CAMTA1: variants seen among roughly 807,000 people sequenced by gnomAD.
The protein encoded by CAMTA1 is calmodulin binding transcription activator 1.
CAMTA1 carries 27 observed loss-of-function variants against 170.9 expected under a neutral mutation model. That is an observed-to-expected ratio of 0.16 (90% CI 0.12 to 0.22). The LOEUF is 0.22. CAMTA1 is among the 10% of genes least tolerant of loss of function. CAMTA1 has a pLI of 1.00. For synonymous variants in CAMTA1, 833 were observed against 891.5 expected (o/e 0.93, Z 1.17); for missense variants, 1,619 against 2,217.2 (o/e 0.73, Z 5.42).
intron 6 of CAMTA1, among the ~76,000 whole-genome samples, chr1:7,583,153 C>A (rs2095276189): frequency 1.3e-5 from 2 of 151,920 alleles, no homozygotes; most frequent in South Asian, 4.2e-4. Flanking sequence ...TAGCAGGGGG[C>A]CTAAAGGGGA....
chr1:7,337,056 C>T (rs917854383), intron 5 of CAMTA1, among the ~76,000 whole-genome samples: 1 of 152,224 alleles, frequency 6.6e-6, no homozygotes, highest in African/African-American at 2.4e-5. Context: ...TAATACATGA[C>T]TTGAATACGA....
At chr1:7,355,223 A>AG (rs2085010520) in intron 5 of CAMTA1, among the ~76,000 whole-genome samples, 1 of 145,530 alleles carries the variant, frequency 6.9e-6, no homozygotes, top group Admixed American at 6.8e-5. Context: ...AAAAAAAAAA[A>AG]GAAAGAAAAA....
intron 4 of CAMTA1, among the ~76,000 whole-genome samples, chr1:7,158,260 T>C (rs926039978): frequency 2.0e-5 from 3 of 152,174 alleles, no homozygotes; most frequent in African/African-American, 7.2e-5. Context: ...AGAGTACATG[T>C]TATATGTTTC....
At position 6,892,562 on chromosome 1, in the gene CAMTA1, CAG is replaced by C. The variant is rs749419947; in HGVS notation, c.234+67354_234+67355del. 2.0e-5 allele frequency among the ~76,000 whole-genome samples: 3 copies of C among 150,410 alleles called. No homozygotes were observed. The East Asian group carries it at 5.8e-4, about 29-fold the overall frequency. On this transcript the variant is annotated intron_variant, in intron 3 of 22. Coordinates refer to ENST00000303635, the MANE Select transcript of CAMTA1 (RefSeq NM_015215.4). ...GAAACCTTGGGATCCAATCTGAAAA[CAG>C]AAATGAGTCTTCCAAGCAAATTTTT...
At chr1:7,741,624 G>A (rs1034439702) in intron 16 of CAMTA1, among the ~76,000 whole-genome samples, 7 of 152,146 alleles carry the variant, frequency 4.6e-5, no homozygotes, top group African/African-American at 1.7e-4. Context: ...GACAGGTGCG[G>A]TGGCTCATGC....
intron 4 of CAMTA1, among the ~76,000 whole-genome samples, chr1:7,245,242 A>C (rs560012955): frequency 6.6e-6 from 1 of 151,114 alleles, no homozygotes; most frequent in South Asian, 2.1e-4. Context: ...ACATACATAC[A>C]TACACACACA....
chr1:7,690,706 G>A (rs1184175379), intron 11 of CAMTA1, among the ~76,000 whole-genome samples: 2 of 152,254 alleles, frequency 1.3e-5, no homozygotes, highest in East Asian at 3.8e-4. Context: ...GTACCCATGT[G>A]TAGTGACTCA....
chr1:7,474,489 C>T (rs186599980), intron 6 of CAMTA1, among the ~76,000 whole-genome samples: 117 of 152,352 alleles, frequency 7.7e-4, no homozygotes, highest in Middle Eastern at 3.4e-3. Flanking sequence ...CAAGCATCCA[C>T]GAATGATAGC....
intron 3 of CAMTA1, among the ~76,000 whole-genome samples, chr1:7,024,100 C>G (rs1237074369): frequency 6.6e-6 from 1 of 151,494 alleles, no homozygotes; most frequent in Non-Finnish European, 1.5e-5. Flanking sequence ...CTGATGAGAT[C>G]CACCGAACTG....
At chr1:7,279,114 A>C (rs1041767723) in intron 5 of CAMTA1, among the ~76,000 whole-genome samples, 2 of 152,150 alleles carry the variant, frequency 1.3e-5, no homozygotes, top group Non-Finnish European at 2.9e-5. Flanking sequence ...GCAGAGCCTG[A>C]GGGGGCTGGT....
At chr1:7,069,867 C>T (rs934021344) in intron 3 of CAMTA1, among the ~76,000 whole-genome samples, 3 of 152,216 alleles carry the variant, frequency 2.0e-5, no homozygotes, top group African/African-American at 7.2e-5. Context: ...ACAGTATTAA[C>T]CACAGGCCCA....
chr1:6,894,674 G>T (rs1273631382), intron 3 of CAMTA1, among the ~76,000 whole-genome samples: 1 of 152,122 alleles, frequency 6.6e-6, no homozygotes, highest in Non-Finnish European at 1.5e-5. Context: ...ACTTGCTTTG[G>T]TTTCTGCTGA....
At chr1:7,206,978 C>A (rs1209874131) in intron 4 of CAMTA1, among the ~76,000 whole-genome samples, 2 of 152,172 alleles carry the variant, frequency 1.3e-5, no homozygotes, top group African/African-American at 4.8e-5. Flanking sequence ...TCAGTGGCTG[C>A]TGGTAGGAGT....
At chr1:6,864,376 C>T (rs1665856620) in intron 3 of CAMTA1, among the ~76,000 whole-genome samples, 1 of 152,172 alleles carries the variant, frequency 6.6e-6, no homozygotes, top group African/African-American at 2.4e-5. Flanking sequence ...TTGCCTTCTC[C>T]AGCCCAGTCT....
At chr1:6,883,776 TAGC>T (rs1672307212) in intron 3 of CAMTA1, among the ~76,000 whole-genome samples, 1 of 152,136 alleles carries the variant, frequency 6.6e-6, no homozygotes, top group Admixed American at 6.5e-5. Flanking sequence ...TGCTGTACAG[TAGC>T]AGTGTCAGTG....
chr1:7,431,495 G>A (rs998240969), intron 5 of CAMTA1, among the ~76,000 whole-genome samples: 9 of 152,156 alleles, frequency 5.9e-5, no homozygotes, highest in Non-Finnish European at 1.0e-4. Flanking sequence ...GTCCCTGATC[G>A]CTGGGAAGAG....
At position 7,603,713 on chromosome 1, in the gene CAMTA1, G is replaced by T. The variant is rs557902799; in HGVS notation, c.511-36687G>T. On this transcript the variant is annotated intron_variant, in intron 6 of 22. Transcript: ENST00000303635. ...GGTTAATATTATTATGTGTGAATTTGATCCTGTCATTATGATGTTAGCTGG... is the reference window on the plus strand; with the variant it reads ...GGTTAATATTATTATGTGTGAATTTTATCCTGTCATTATGATGTTAGCTGG... Among the ~76,000 whole-genome samples, 10 of 152,268 alleles carry T rather than the reference G, an allele frequency of 6.6e-5. No individual in the cohort carries two copies. In the South Asian group the frequency reaches 2.1e-3, roughly 32 times the overall value.
chr1:7,367,346 G>A lies in CAMTA1; in HGVS notation c.439-100484G>A, dbSNP rs117164126. Among the ~76,000 whole-genome samples, 103 of 152,340 alleles carry A rather than the reference G, an allele frequency of 6.8e-4. 1 individual carries two copies. The East Asian group carries it at 0.014, about 20-fold the overall frequency. ...ACATAAAGGAGACCAGACTGCCCCCGTCCCCAGCCCTGCTCACTCCACATC... is the reference window on the plus strand; with the variant it reads ...ACATAAAGGAGACCAGACTGCCCCCATCCCCAGCCCTGCTCACTCCACATC... On this transcript the variant is annotated intron_variant, in intron 5 of 22. Coordinates refer to ENST00000303635, the MANE Select transcript of CAMTA1 (RefSeq NM_015215.4).
chr1:7,149,752 G>A (rs926298695), intron 4 of CAMTA1, among the ~76,000 whole-genome samples: 22 of 152,210 alleles, frequency 1.4e-4, no homozygotes, highest in African/African-American at 4.8e-4. Flanking sequence ...GAATAACTCC[G>A]GCCTGGGCGG....
Sources: allele counts gnomAD v4.1 joint callset (sites outside exome capture counted in the v4.1 genomes callset), GRCh38; gene constraint gnomAD v4.1.1; transcripts MANE v1.5; gene names NCBI Gene and HGNC (gene_info 2026-07-23, HGNC 2026-07-21).